MAGI2: variants seen among roughly 807,000 people sequenced by gnomAD.
The protein encoded by MAGI2 is membrane associated guanylate kinase, WW and PDZ domain containing 2.
In MAGI2, 35 loss-of-function variants were observed where a neutral mutation model predicts 133.3. The ratio of observed to expected loss-of-function variants is 0.26; its 90% CI spans 0.20 to 0.35. The LOEUF is 0.35. Among genes scored for constraint, MAGI2 ranks in the 10% least tolerant of loss-of-function variants. MAGI2 has a pLI of 1.00. For missense variants in MAGI2, 1,636 were observed against 1,863.4 expected (o/e 0.88, Z 2.25); for synonymous variants, 729 against 710.6 (o/e 1.03, Z -0.41).
intron 3 of MAGI2, among the ~76,000 whole-genome samples, chr7:78,573,233 AATAT>A (rs1190975101): frequency 5.9e-4 from 26 of 44,430 alleles, no homozygotes; most frequent in South Asian, 2.4e-3. Flanking sequence ...TATAAATATA[AATAT>A]ATATATATAA....
chr7:78,947,109 G>C (rs980132135), intron 2 of MAGI2, among the ~76,000 whole-genome samples: 2 of 151,954 alleles, frequency 1.3e-5, no homozygotes, highest in African/African-American at 4.8e-5. Context: ...TTTGCATTCA[G>C]ACCATGGACA....
At chr7:79,187,283 AG>A (rs1827254327) in intron 1 of MAGI2, among the ~76,000 whole-genome samples, 1 of 151,850 alleles carries the variant, frequency 6.6e-6, no homozygotes, top group South Asian at 2.1e-4. Flanking sequence ...ATTTCAATAA[AG>A]CAAAAGTTAT....
At chr7:78,785,791 T>C (rs1024710538) in intron 2 of MAGI2, among the ~76,000 whole-genome samples, 2 of 152,230 alleles carry the variant, frequency 1.3e-5, no homozygotes, top group African/African-American at 2.4e-5. Flanking sequence ...TAAAATGTTA[T>C]GCAATTTTAG....
chr7:78,145,392 G>T (rs1233814763), intron 16 of MAGI2, among the ~76,000 whole-genome samples: 1 of 151,946 alleles, frequency 6.6e-6, no homozygotes, highest in Admixed American at 6.6e-5. Flanking sequence ...TGTCAGTATG[G>T]AGACTTGTTT....
chr7:78,907,415 T>C, intron 2 of MAGI2, among the ~76,000 whole-genome samples: 1 of 152,198 alleles, frequency 6.6e-6, no homozygotes, highest in East Asian at 1.9e-4. Flanking sequence ...ATTATTGGGT[T>C]TCATATCTTT....
intron 2 of MAGI2, among the ~76,000 whole-genome samples, chr7:78,835,626 C>T (rs147796343): frequency 6.6e-6 from 1 of 152,184 alleles, no homozygotes; most frequent in Admixed American, 6.5e-5. Flanking sequence ...ACAGGGTTTG[C>T]CATATCATTC....
intron 16 of MAGI2, among the ~76,000 whole-genome samples, chr7:78,153,016 C>A (rs1193910685): frequency 6.6e-6 from 1 of 152,208 alleles, no homozygotes; most frequent in Non-Finnish European, 1.5e-5. Context: ...GACTCACTTT[C>A]TAATTCCTAT....
chr7:79,026,698 C>T (rs1429531083), intron 1 of MAGI2, among the ~76,000 whole-genome samples: 3 of 151,828 alleles, frequency 2.0e-5, no homozygotes, highest in Non-Finnish European at 4.4e-5. Flanking sequence ...CATGATGAAA[C>T]CCCGTTTCCA....
At position 78,428,066 on chromosome 7, in the gene MAGI2, G is replaced by A. The variant is rs143461669; in HGVS notation, c.1046-58853C>T. ...TATTCCCAGAAAACAGGAACGCATC[G>A]TAACAGAGTCTTCTGTAATTATATT... On this transcript the variant is annotated intron_variant, in intron 6 of 21. Transcript: ENST00000354212. Among the ~76,000 whole-genome samples the A allele has an allele frequency of 2.2e-3, 328 of 152,252 alleles. 2 individuals carry two copies. The highest frequency in any genetic ancestry group is 7.1e-3 in the African/African-American group (294 of 41,550).
rs573942338 is a variant in MAGI2 at position 79,418,246 on chromosome 7, A to G, written c.301+34774T>C. Among the ~76,000 whole-genome samples, 59 of 152,236 alleles carry G rather than the reference A, an allele frequency of 3.9e-4. 1 individual carries two copies. The highest frequency in any genetic ancestry group is 8.3e-4 in the South Asian group (4 of 4,828). On this transcript the variant is annotated intron_variant, in intron 1 of 21. Transcript: ENST00000354212. ...AGCAACTTTATGTAGGTTAGATAAT[A>G]AGATATTAAGGGAAATTACAGATGA...
rs573361489 is a variant in MAGI2 at position 78,889,536 on chromosome 7, G to A, written c.418+117554C>T. On this transcript the variant is annotated intron_variant, in intron 2 of 21. Coordinates refer to ENST00000354212, the MANE Select transcript of MAGI2 (RefSeq NM_012301.4). ...CAGACTAACAGTGGATCTCTCAGCA[G>A]AAACTCTACAAGCCAGAAGACAGTG... 4.6e-5 allele frequency among the ~76,000 whole-genome samples: 7 copies of A among 152,306 alleles called. No homozygotes were observed. In the South Asian group the frequency reaches 1.2e-3, roughly 27 times the overall value.
intron 6 of MAGI2, among the ~76,000 whole-genome samples, chr7:78,449,558 T>C (rs12670360): frequency 0.06 from 9,114 of 152,124 alleles, 352 homozygotes; most frequent in Non-Finnish European, 0.078. Flanking sequence ...GCTCCATTAG[T>C]TTAATTGCTG....
intron 1 of MAGI2, among the ~76,000 whole-genome samples, chr7:79,103,045 C>T (rs1411180832): frequency 6.6e-6 from 1 of 152,182 alleles, no homozygotes; most frequent in Non-Finnish European, 1.5e-5. Flanking sequence ...ACATAGACAT[C>T]AGGCTTGCCT....
At chr7:78,655,944 G>GCAC (rs1487723391) in intron 2 of MAGI2, among the ~76,000 whole-genome samples, 5 of 131,390 alleles carry the variant, frequency 3.8e-5, no homozygotes, top group Admixed American at 1.9e-4. Context: ...TCGCGCCACT[G>GCAC]CACTCCAGCC....
chr7:78,802,466 C>A (rs888659778), intron 2 of MAGI2, among the ~76,000 whole-genome samples: 6 of 152,186 alleles, frequency 3.9e-5, no homozygotes, highest in Admixed American at 3.9e-4. Flanking sequence ...TTTAAAAAGA[C>A]CTTTTAAGCC....
intron 6 of MAGI2, among the ~76,000 whole-genome samples, chr7:78,447,888 T>G (rs1214363979): frequency 6.6e-6 from 1 of 152,064 alleles, no homozygotes; most frequent in East Asian, 1.9e-4. Flanking sequence ...ACTGCAACTT[T>G]GTACTTGCTG....
At chr7:78,023,707 T>A (rs908981647) in intron 21 of MAGI2, among the ~76,000 whole-genome samples, 1 of 152,174 alleles carries the variant, frequency 6.6e-6, no homozygotes, top group African/African-American at 2.4e-5. Context: ...ACTGCTCTAG[T>A]CAAGGTTGCC....
At chr7:78,892,343 C>T (rs974090143) in intron 2 of MAGI2, among the ~76,000 whole-genome samples, 154 of 152,230 alleles carry the variant, frequency 1.0e-3, no homozygotes, top group Non-Finnish European at 1.9e-3. Context: ...CCCATCAAGC[C>T]ACCAATGACT....
intron 1 of MAGI2, among the ~76,000 whole-genome samples, chr7:79,222,622 C>A (rs1830523135): frequency 1.3e-5 from 2 of 152,092 alleles, no homozygotes; most frequent in Admixed American, 1.3e-4. Flanking sequence ...AAAACTATCT[C>A]CCTTAACATC....
Sources: allele counts gnomAD v4.1 joint callset (sites outside exome capture counted in the v4.1 genomes callset), GRCh38; gene constraint gnomAD v4.1.1; transcripts MANE v1.5; gene names NCBI Gene and HGNC (gene_info 2026-07-23, HGNC 2026-07-21).